The following THAP1 variants were observed in gnomAD, a reference collection of about 807,000 sequenced individuals.
THAP1 encodes the protein THAP domain containing 1.
Under a neutral mutation model 18.2 loss-of-function variants are expected in THAP1, and 6 were observed. That is an observed-to-expected ratio of 0.33 (90% confidence interval 0.18 to 0.65). The LOEUF (loss-of-function observed/expected upper bound fraction) is 0.65, where lower values mean the gene tolerates loss of function less well. Ranked by LOEUF, THAP1 falls within the 30% of genes least tolerant of loss-of-function variation. The probability of loss-of-function intolerance (pLI) is 0.74; values close to 1 mark genes in which losing one functional copy is unlikely to be tolerated. For missense variants in THAP1, 176 were observed against 253.0 expected (o/e 0.70, Z 2.06); for synonymous variants, 85 against 90.5 (o/e 0.94, Z 0.34).
Position 42,843,220 on chromosome 8 carries a change from G to A in THAP1, c.-126C>T, listed in dbSNP as rs1563646290. The A allele has an allele frequency of 8.5e-7, 1 of 1,176,784 alleles. No individual in the cohort carries two copies. The highest frequency in any genetic ancestry group is 1.8e-5 in the Admixed American group (1 of 56,980). The allele number at this position is 1,176,784 out of a possible 1,614,324, so 72.9% of individuals were successfully genotyped here. A position where few individuals can be genotyped will look rare whatever the true frequency, so the allele number is the denominator to read the frequency against. On this transcript the variant is annotated 5_prime_UTR_variant, in exon 1 of 3. Coordinates refer to ENST00000254250, the MANE Select transcript of THAP1 (RefSeq NM_018105.3). ...GCTTTGGCCAACAGTTACAGTGATG[G>A]TGGCCTCCCTCGGGGGTGACTAGTG...
At position 42,843,085 on chromosome 8, in the gene THAP1, A is replaced by G. The variant is rs1586459416; in HGVS notation, c.10T>C (p.Ser4Pro). The change falls in exon 1 of 3, where the codon TCC (serine) becomes CCC (proline). Residue 4 changes from serine (S) to proline (P), a missense_variant. By Grantham distance (74) the Ser-to-Pro change is moderately conservative. Coordinates refer to ENST00000254250, the MANE Select transcript of THAP1 (RefSeq NM_018105.3). Reference sequence around the variant, plus strand: ...TTCTTGCAGCCGTAGGCGGAGCAGGACTGCACCATCCTTCCGGTCCTCAGG... The same window carrying G: ...TTCTTGCAGCCGTAGGCGGAGCAGGGCTGCACCATCCTTCCGGTCCTCAGG... MVQ[S>P]CSAYGCKNRY... The G allele has an allele frequency of 6.2e-7, 1 of 1,613,768 alleles. No individual in the cohort carries two copies. The highest frequency in any genetic ancestry group is 8.5e-7 in the Non-Finnish European group (1 of 1,179,876).
intron 1 of THAP1, among the ~76,000 whole-genome samples, chr8:42,841,892 T>A (rs995558421): frequency 6.6e-6 from 1 of 152,178 alleles, no homozygotes; most frequent in Non-Finnish European, 1.5e-5. Flanking sequence ...TTCTACACAC[T>A]CTTATTTCTA....
Position 42,843,120 on chromosome 8 carries a change from TC to T in THAP1, c.-27del, listed in dbSNP as rs752337324. 1.2e-6 allele frequency: 2 copies of T among 1,613,010 alleles called. No homozygotes were observed. The highest frequency in any genetic ancestry group is 1.7e-6 in the Non-Finnish European group (2 of 1,179,402). On this transcript the variant is annotated 5_prime_UTR_variant, in exon 1 of 3. Coordinates refer to ENST00000254250, the MANE Select transcript of THAP1 (RefSeq NM_018105.3). ...CCTTCCGGTCCTCAGGCACTTCACT[TC>T]TGCCGCCGCAGAAGGCAGGGGAAGC...
rs1326072904 is a variant in THAP1, at chr8:42,837,998, T to C, written c.606A>G (p.Pro202=). Residue 202 remains proline (P), a synonymous_variant, in exon 3 of 3, where the codon CCA becomes CCG. Coordinates refer to ENST00000254250, the MANE Select transcript of THAP1 (RefSeq NM_018105.3). Reference sequence around the variant, plus strand: ...CTTCAACTATTTCAAAGTAGTCATTTGGTAGAATCACATAACCTCTTTCTG... The same window carrying C: ...CTTCAACTATTTCAAAGTAGTCATTCGGTAGAATCACATAACCTCTTTCTG... ...DVSERGYVIL[P]NDYFEIVEVP... is the part of the protein sequence containing the mutation. 6.2e-7 allele frequency: 1 copy of C among 1,613,882 alleles called. No individual in the cohort carries two copies. Among genetic ancestry groups the C allele is most frequent in the Admixed American group, 1.7e-5 (1 of 59,972 alleles).
chr8:42,837,999 G>C lies in THAP1; in HGVS notation c.605C>G (p.Pro202Arg). The change falls in exon 3 of 3, where the codon CCA becomes CGA. Residue 202 changes from proline (P) to arginine (R), a missense_variant. Pro to Arg is a moderately radical substitution (Grantham distance 103). Coordinates refer to ENST00000254250, the MANE Select transcript of THAP1 (RefSeq NM_018105.3). ...DVSERGYVILPNDYFEIVEVP... is the reference protein window; with the variant it reads ...DVSERGYVILRNDYFEIVEVP... ...TTCAACTATTTCAAAGTAGTCATTT[G>C]GTAGAATCACATAACCTCTTTCTGA... 6.2e-7 allele frequency: 1 copy of C among 1,613,660 alleles called. No homozygotes were observed. Among genetic ancestry groups the C allele is most frequent in the East Asian group, 2.2e-5 (1 of 44,880 alleles).
Position 42,838,030 on chromosome 8 carries a change from C to T in THAP1, c.574G>A (p.Asp192Asn), listed in dbSNP as rs377725442. 2.1e-5 allele frequency: 34 copies of T among 1,613,616 alleles called. No individual in the cohort carries two copies. Among genetic ancestry groups the T allele is most frequent in the Non-Finnish European group, 2.6e-5 (31 of 1,179,936 alleles). Residue 192 changes from aspartate (D) to asparagine (N), a missense_variant, in exon 3 of 3, where the codon GAC (aspartate) becomes AAC (asparagine). Transcript: ENST00000254250. ...EVVHFQKEKDDVSERGYVILP... is the reference protein window; with the variant it reads ...EVVHFQKEKDNVSERGYVILP... ...ATCACATAACCTCTTTCTGATACGTCGTCTTTCTCTTTCTGGAAGTGAACA... is the reference window on the plus strand; with the variant it reads ...ATCACATAACCTCTTTCTGATACGTTGTCTTTCTCTTTCTGGAAGTGAACA...
chr8:42,841,294 C>CTTTTTTTTTTTTTT (rs775435611), intron 1 of THAP1, among the ~76,000 whole-genome samples: 1 of 95,936 alleles, frequency 1.0e-5, no homozygotes, highest in Non-Finnish European at 1.9e-5. Context: ...ACAGTTGTAT[C>CTTTTTTTTTTTTTT]TTTTTTTTTT....
intron 1 of THAP1, 174 bp downstream of exon 1, chr8:42,842,850 C>T: frequency 3.1e-6 from 1 of 323,088 alleles, no homozygotes; most frequent in Non-Finnish European, 4.8e-6. Context: ...GCGCCGAGAA[C>T]GCGCGATCGG....
At position 42,838,055 on chromosome 8, in the gene THAP1, A is replaced by G; in HGVS notation, c.549T>C (p.Val183=). The part of the protein sequence containing the change: ...QERQLEKLKE[V]VHFQKEKDDV... ...CGTCTTTCTCTTTCTGGAAGTGAAC[A>G]ACCTCCTTTAATTTTTCAAGCTGCC... Residue 183 remains valine (V), a synonymous_variant, in exon 3 of 3, where the codon GTT becomes GTC. Transcript: ENST00000254250. The G allele has an allele frequency of 6.2e-7, 1 of 1,614,038 alleles. No homozygotes were observed.
At chr8:42,840,736 A>C (rs1178463980) in intron 1 of THAP1, among the ~76,000 whole-genome samples, 1 of 152,194 alleles carries the variant, frequency 6.6e-6, no homozygotes, top group Non-Finnish European at 1.5e-5. Flanking sequence ...TGGGAGGCTG[A>C]GGAGGGCGGA....
In THAP1 at chr8:42,837,650, CTTT is replaced by C. The variant is rs1350612950; in HGVS notation, c.*309_*311del. On this transcript the variant is annotated 3_prime_UTR_variant, in exon 3 of 3. Coordinates refer to ENST00000254250, the MANE Select transcript of THAP1 (RefSeq NM_018105.3). ...TACCACACTGTTCTCATTCTCTTTA[CTTT>C]TTATTTTTACATTATTTCTATAAAT... 1 of 179,048 alleles carries C rather than the reference CTTT, an allele frequency of 5.6e-6. No individual in the cohort carries two copies. The highest frequency in any genetic ancestry group is 1.1e-5 in the Non-Finnish European group (1 of 86,984). The allele number at this position is 179,048 out of a possible 1,614,324, so 11.1% of individuals were successfully genotyped here. A position where few individuals can be genotyped will look rare whatever the true frequency, so the allele number is the denominator to read the frequency against.
At chr8:42,839,456 G>C (rs1802676189) in intron 1 of THAP1, 75 bp from the exon 2 acceptor site, 1 of 1,450,970 alleles carries the variant, frequency 6.9e-7, no homozygotes. Context: ...TTCCAGCTTA[G>C]GAAATATCTT....
In THAP1 at chr8:42,836,926, T is replaced by C; in HGVS notation, c.*1036A>G. 6.6e-6 allele frequency: 1 copy of C among 152,252 alleles called. No individual in the cohort carries two copies. Among genetic ancestry groups the C allele is most frequent in the East Asian group, 1.9e-4 (1 of 5,206 alleles). 9.4% of individuals were successfully genotyped at this position (152,252 alleles called of 1,614,324 possible). On this transcript the variant is annotated 3_prime_UTR_variant, in exon 3 of 3. Transcript: ENST00000254250. ...GTTTAAATCTCCACATTCAGTAAAA[T>C]AAACGCTACATAGTAGGTTGTTCTG... is the stretch of plus-strand genomic sequence containing the variant.
intron 1 of THAP1, 23 bp downstream of exon 1, chr8:42,843,001 C>T (rs745439069): frequency 6.2e-7 from 1 of 1,603,136 alleles, no homozygotes; most frequent in South Asian, 1.1e-5. Flanking sequence ...AGACCGGCCC[C>T]GCGAGGCGCG....
At chr8:42,838,415 G>A in intron 2 of THAP1, 79 bp from the exon 3 acceptor site, 1 of 1,569,932 alleles carries the variant, frequency 6.4e-7, no homozygotes, top group South Asian at 1.1e-5. Context: ...ACCAGGCGCA[G>A]TGGCTCATGC....
Position 42,838,321 on chromosome 8 carries a change from C to T in THAP1, c.283G>A (p.Glu95Lys). 1 of 1,613,828 alleles carries T rather than the reference C, an allele frequency of 6.2e-7. No individual in the cohort carries two copies. Among genetic ancestry groups the T allele is most frequent in the Non-Finnish European group, 8.5e-7 (1 of 1,179,884 alleles). Residue 95 changes from glutamate to lysine, a missense_variant, in exon 3 of 3, where the codon GAG becomes AAG. Glu to Lys is a moderately conservative substitution (Grantham distance 56, BLOSUM62 1). Coordinates refer to ENST00000254250, the MANE Select transcript of THAP1 (RefSeq NM_018105.3). ...GGTGGGGGAAGCTGTTCCTGTGGCT[C>T]CAGAAGATCTTCTTTCTAAAACAAA... ...EPHDKKEDLL[E>K]PQEQLPPPPL...
rs1802673648 is a variant in THAP1 at position 42,839,321 on chromosome 8, G to A, written c.132C>T (p.Asn44=). The change falls in exon 2 of 3, where the codon AAC becomes AAT. Residue 44 remains asparagine, a synonymous_variant. Transcript: ENST00000254250. ...KEWEAAVRRK[N]FKPTKYSSIC... Reference sequence around the variant, plus strand: ...TACTGCTATACTTGGTGGGTTTAAAGTTTTTTCTTCTGACAGCTGCCTCCC... The same window carrying A: ...TACTGCTATACTTGGTGGGTTTAAAATTTTTTCTTCTGACAGCTGCCTCCC... The A allele has an allele frequency of 1.9e-6, 3 of 1,613,930 alleles. No homozygotes were observed. Among genetic ancestry groups the A allele is most frequent in the Non-Finnish European group, 1.7e-6 (2 of 1,180,004 alleles).
Position 42,843,323 on chromosome 8 carries a change from T to G in THAP1, c.-229A>C, listed in dbSNP as rs759487512. ...CCATCTCCAAGATGGCGGAGGCAGCTTCAACCTCACCTCTCGCGAGGGGTG... is the reference window on the plus strand; with the variant it reads ...CCATCTCCAAGATGGCGGAGGCAGCGTCAACCTCACCTCTCGCGAGGGGTG... On this transcript the variant is annotated 5_prime_UTR_variant, in exon 1 of 3. Coordinates refer to ENST00000254250, the MANE Select transcript of THAP1 (RefSeq NM_018105.3). The G allele has an allele frequency of 1.0e-5, 6 of 601,368 alleles. No homozygotes were observed. Among genetic ancestry groups the G allele is most frequent in the East Asian group, 3.0e-5 (1 of 33,260 alleles). 37.3% of individuals were successfully genotyped at this position (601,368 alleles called of 1,614,324 possible).
chr8:42,841,680 C>CA, intron 1 of THAP1, among the ~76,000 whole-genome samples: 1 of 152,286 alleles, frequency 6.6e-6, no homozygotes, highest in Admixed American at 6.5e-5. Context: ...TTCCTTCTGC[C>CA]AAGCCATCAG....
Sources: allele counts gnomAD v4.1 joint callset (sites outside exome capture counted in the v4.1 genomes callset), GRCh38; gene constraint gnomAD v4.1.1; transcripts MANE v1.5; gene names NCBI Gene and HGNC (gene_info 2026-07-23, HGNC 2026-07-21).